Variants in PTK2B observed in about 807,000 individuals in gnomAD.
PTK2B encodes the protein protein-tyrosine kinase 2-beta.
A neutral mutation model predicts 142.9 loss-of-function variants in PTK2B; 71 were observed. The observed-to-expected ratio is 0.50, with a 90% CI of 0.41 to 0.61. The LOEUF (loss-of-function observed/expected upper bound fraction) is 0.61, where lower values mean the gene tolerates loss of function less well. Among genes scored for constraint, PTK2B ranks in the 20% least tolerant of loss-of-function variants. The pLI, the probability that PTK2B is intolerant of heterozygous loss-of-function variation, is 0.00. For missense variants in PTK2B, 1,105 were observed against 1,320.4 expected, an observed-to-expected ratio of 0.84 and a Z score of 2.53; for synonymous variants, 519 against 503.4, an observed-to-expected ratio of 1.03 and a Z score of -0.42.
chr8:27,368,005 G>T (rs1014725947), intron 1 of PTK2B, among the ~76,000 whole-genome samples: 2 of 152,244 alleles, frequency 1.3e-5, no homozygotes, highest in Middle Eastern at 3.2e-3. Context: ...GACAAAGCAG[G>T]CCCCACGGAA....
intron 19 of PTK2B, 42 bp downstream of exon 19, chr8:27,439,173 C>T (rs369202926): frequency 1.1e-5 from 18 of 1,589,046 alleles, no homozygotes; most frequent in Middle Eastern, 1.7e-4. Flanking sequence ...TTGGAGGGGT[C>T]GCTGAAGCCA....
chr8:27,311,218 GTCGGGACTCCGCT>G, upstream of PTK2B: 1 of 1,569,534 alleles, frequency 6.4e-7, no homozygotes, highest in Non-Finnish European at 8.7e-7. Flanking sequence ...CGGGGGACAC[GTCGGGACTCCGCT>G]CCATGGCACG....
chr8:27,401,094 G>A lies in PTK2B; in HGVS notation c.204+3306G>A, dbSNP rs190321070. 3.3e-3 allele frequency among the ~76,000 whole-genome samples: 499 copies of A among 152,192 alleles called. 2 individuals are homozygous for A. Among genetic ancestry groups the A allele is most frequent in the Non-Finnish European group, 5.4e-3 (366 of 68,012 alleles). ...GTGGAGGTTGCAGTGAGCCGAGATC[G>A]TGCCATTGCACTCCAGCCCAGGTGA... On this transcript the variant is annotated intron_variant, in intron 2 of 30. Coordinates refer to ENST00000346049, the MANE Select transcript of PTK2B (RefSeq NM_173176.3).
At chr8:27,358,671 A>G (rs1383485117) in intron 1 of PTK2B, among the ~76,000 whole-genome samples, 1 of 152,128 alleles carries the variant, frequency 6.6e-6, no homozygotes, top group Non-Finnish European at 1.5e-5. Context: ...CTTCTAATAT[A>G]TTTAGTATAT....
rs114823441 is a variant in PTK2B, at chr8:27,387,458, G to A, written c.-37-10090G>A. On this transcript the variant is annotated intron_variant, in intron 1 of 30. Transcript: ENST00000346049. ...TGAAGGAGTCAGATCCATCTTTCAC[G>A]GGACAGTCCTACAACCGTTCAAAAC... is the stretch of plus-strand genomic sequence containing the variant. Among the ~76,000 whole-genome samples, 611 of 152,208 alleles carry A rather than the reference G, an allele frequency of 4.0e-3. 2 individuals carry two copies. Among genetic ancestry groups the A allele is most frequent in the African/African-American group, 0.014 (575 of 41,520 alleles).
chr8:27,417,231 A>G (rs1455070154), intron 2 of PTK2B, among the ~76,000 whole-genome samples: 2 of 152,250 alleles, frequency 1.3e-5, no homozygotes, highest in Non-Finnish European at 2.9e-5. Flanking sequence ...TGATTCATTT[A>G]CAAAGCAGAA....
chr8:27,357,646 A>G (rs1805462596), intron 1 of PTK2B, among the ~76,000 whole-genome samples: 1 of 152,218 alleles, frequency 6.6e-6, no homozygotes, highest in Non-Finnish European at 1.5e-5. Flanking sequence ...GAAATGGGTC[A>G]GGTTAGAGAG....
In PTK2B at chr8:27,439,046, G is replaced by A. The variant is rs368168032; in HGVS notation, c.1659G>A (p.Arg553=). 3.6e-5 allele frequency: 58 copies of A among 1,613,934 alleles called. 1 individual carries two copies. The South Asian group carries it at 5.9e-4, about 16-fold the overall frequency. Reference sequence around the variant, plus strand: ...CTTCTTCCAGGGACATTGCTGTCCGGAACATCCTGGTGGCCTCCCCTGAGT... The same window carrying A: ...CTTCTTCCAGGGACATTGCTGTCCGAAACATCCTGGTGGCCTCCCCTGAGT... ...INCVHRDIAV[R]NILVASPECV... The change falls in exon 19 of 31, where the codon CGG becomes CGA. Residue 553 remains arginine, a synonymous_variant. Coordinates refer to ENST00000346049, the MANE Select transcript of PTK2B (RefSeq NM_173176.3).
chr8:27,379,235 A>C (rs1416120680), intron 1 of PTK2B, among the ~76,000 whole-genome samples: 1 of 152,196 alleles, frequency 6.6e-6, no homozygotes, highest in Non-Finnish European at 1.5e-5. Flanking sequence ...TCCTCTCTGC[A>C]ACCACTGTTT....
intron 12 of PTK2B, among the ~76,000 whole-genome samples, 190 bp from the exon 13 acceptor site, chr8:27,434,323 G>A (rs1337400472): frequency 6.6e-6 from 1 of 152,170 alleles, no homozygotes; most frequent in African/African-American, 2.4e-5. Context: ...GCCACCTGGT[G>A]TTATCCTGGG....
intron 1 of PTK2B, among the ~76,000 whole-genome samples, chr8:27,328,818 C>A (rs566037965): frequency 6.6e-6 from 1 of 152,270 alleles, no homozygotes; most frequent in African/African-American, 2.4e-5. Flanking sequence ...GTTTGGGGAC[C>A]AAGCAGGTCG....
At chr8:27,311,258 G>A (rs769699621), upstream of PTK2B, 39 of 1,479,772 alleles carry the variant, frequency 2.6e-5, no homozygotes, top group Non-Finnish European at 3.2e-5. Context: ...CGGCTCGGGC[G>A]CCCGGAACTT....
chr8:27,416,511 A>G (rs948053826), intron 2 of PTK2B, among the ~76,000 whole-genome samples: 5 of 139,150 alleles, frequency 3.6e-5, no homozygotes, highest in Non-Finnish European at 8.1e-5. Flanking sequence ...AGATCACAAA[A>G]CTAAAAATTA....
intron 1 of PTK2B, among the ~76,000 whole-genome samples, chr8:27,349,867 A>G (rs1804942133): frequency 6.6e-6 from 1 of 152,210 alleles, no homozygotes; most frequent in Non-Finnish European, 1.5e-5. Flanking sequence ...GGGCCACCCT[A>G]GACAGGACAG....
intron 24 of PTK2B, among the ~76,000 whole-genome samples, chr8:27,448,899 A>G (rs1034799514): frequency 2.6e-5 from 4 of 152,206 alleles, no homozygotes; most frequent in Non-Finnish European, 4.4e-5. Context: ...TATCAATTCC[A>G]TGATTATAAA....
At chr8:27,350,988 AAAATATAT>A (rs1385586968) in intron 1 of PTK2B, among the ~76,000 whole-genome samples, 1 of 16,208 alleles carries the variant, frequency 6.2e-5, no homozygotes, top group East Asian at 8.5e-4. Context: ...AAAAAAAAAA[AAAATATAT>A]ATATATATAT....
chr8:27,348,435 C>T (rs1258502006), intron 1 of PTK2B, among the ~76,000 whole-genome samples: 2 of 152,176 alleles, frequency 1.3e-5, no homozygotes, highest in Non-Finnish European at 2.9e-5. Flanking sequence ...TCCAGCTCTT[C>T]CCGGCGTGCA....
chr8:27,450,756 ACTTCATCCAACCC>A lies in PTK2B; in HGVS notation c.2349_2361del (p.Asp783GlufsTer49). ...TCTCTGCCGTCCTCCCAGGAGGAGG[ACTTCATCCAACCC>A]AGCAGCCGAGAAGAGGCCCAGCAGC... On this transcript the variant is annotated frameshift_variant, in exon 25 of 31. Coordinates refer to ENST00000346049, the MANE Select transcript of PTK2B (RefSeq NM_173176.3). LOFTEE classifies it high-confidence loss of function. 1 of 1,614,094 alleles carries A rather than the reference ACTTCATCCAACCC, an allele frequency of 6.2e-7. No individual in the cohort carries two copies.
chr8:27,397,470 G>A (rs1586233618), intron 1 of PTK2B, 78 bp from the exon 2 acceptor site: 4 of 1,097,862 alleles, frequency 3.6e-6, no homozygotes, highest in Non-Finnish European at 5.4e-6. Context: ...GGAGCTCGGT[G>A]GGTGCTGTCC....
Sources: gnomAD v4.1 joint callset for allele counts (sites outside exome capture counted in the v4.1 genomes callset) on GRCh38, gnomAD v4.1.1 for gene constraint, MANE v1.5 for transcripts, NCBI Gene and HGNC (gene_info 2026-07-23, HGNC 2026-07-21) for gene names.